Variants in PPP1R14C observed in about 807,000 individuals in gnomAD.
PPP1R14C encodes protein phosphatase 1 regulatory subunit 14C.
Under a neutral mutation model 20.4 loss-of-function variants are expected in PPP1R14C, and 16 were observed. The ratio of observed to expected loss-of-function variants is 0.78; its 90% CI spans 0.53 to 1.19. The LOEUF (loss-of-function observed/expected upper bound fraction) is 1.19, where lower values mean the gene tolerates loss of function less well. PPP1R14C is among the 50% of genes most tolerant of loss of function. The pLI, the probability that PPP1R14C is intolerant of heterozygous loss-of-function variation, is 0.00. For synonymous variants in PPP1R14C, 91 were observed against 91.0 expected, an observed-to-expected ratio of 1.00 and a Z score of 0.00; for missense variants, 211 against 220.1, an observed-to-expected ratio of 0.96 and a Z score of 0.26.
chr6:150,194,668 A>G, intron 1 of PPP1R14C: 1 of 985,434 alleles, frequency 1.0e-6, no homozygotes, highest in East Asian at 1.1e-4. Flanking sequence ...CCTTTAGCAC[A>G]AACAGTTCTG....
chr6:150,174,417 C>CAT (rs10667180), intron 1 of PPP1R14C, among the ~76,000 whole-genome samples: 14,621 of 151,562 alleles, frequency 0.096, 942 homozygotes, highest in East Asian at 0.36. Context: ...GGGGTTTCAC[C>CAT]GTGTTAGCCA....
chr6:150,210,603 A>G (rs1049684343), intron 1 of PPP1R14C, among the ~76,000 whole-genome samples: 1 of 152,172 alleles, frequency 6.6e-6, no homozygotes, highest in Non-Finnish European at 1.5e-5. Flanking sequence ...GACAAGGGGA[A>G]CCGGCAGCCT....
At chr6:150,218,239 TA>T (rs1002314973) in intron 3 of PPP1R14C, among the ~76,000 whole-genome samples, 7 of 151,976 alleles carry the variant, frequency 4.6e-5, no homozygotes, top group African/African-American at 1.7e-4. Context: ...CCGTCTCTAC[TA>T]AAAATACAAA....
chr6:150,249,525 A>G lies in PPP1R14C; in HGVS notation c.*705A>G, dbSNP rs997048744. The G allele has an allele frequency of 2.8e-5, 11 of 398,644 alleles. No homozygotes were observed. The highest frequency in any genetic ancestry group is 4.4e-5 in the Non-Finnish European group (10 of 226,072). The allele number at this position is 398,644 out of a possible 1,614,324, so 24.7% of individuals were successfully genotyped here. ...AATTTCTATTATTTCATTGGTTGGG[A>G]TGCTTTGCCAGGTCATGTGCTTATT... On this transcript the variant is annotated 3_prime_UTR_variant, in exon 4 of 4. Transcript: ENST00000361131.
At chr6:150,248,716 C>T (rs755601232) in intron 3 of PPP1R14C, 30 bp from the exon 4 acceptor site, 1 of 1,436,928 alleles carries the variant, frequency 7.0e-7, no homozygotes. Flanking sequence ...AATAGTGACC[C>T]TCATATTAAC....
intron 3 of PPP1R14C, among the ~76,000 whole-genome samples, chr6:150,231,115 C>T (rs538937490): frequency 3.9e-5 from 6 of 152,292 alleles, no homozygotes; most frequent in Admixed American, 2.0e-4. Flanking sequence ...TGTGATACCA[C>T]GCCCCTGTGA....
At chr6:150,192,519 C>T (rs899474689) in intron 1 of PPP1R14C, among the ~76,000 whole-genome samples, 8 of 152,174 alleles carry the variant, frequency 5.3e-5, no homozygotes, top group Admixed American at 1.3e-4. Flanking sequence ...CCATGTTCAC[C>T]TCCTACTGTG....
Position 150,208,096 on chromosome 6 carries a change from T to G in PPP1R14C, c.307-6648T>G, listed in dbSNP as rs117353764. 7.9e-4 allele frequency among the ~76,000 whole-genome samples: 120 copies of G among 152,220 alleles called. 1 individual carries two copies. The East Asian group carries it at 0.021, about 27-fold the overall frequency. On this transcript the variant is annotated intron_variant, in intron 1 of 3. Transcript: ENST00000361131. Reference sequence around the variant, plus strand: ...AACAGTGTTAATGCACGCATGAGGGTGTGCCCCCATGACCTAATCACCTCT... The same window carrying G: ...AACAGTGTTAATGCACGCATGAGGGGGTGCCCCCATGACCTAATCACCTCT...
At chr6:150,168,385 T>C (rs1167128355) in intron 1 of PPP1R14C, among the ~76,000 whole-genome samples, 6 of 151,778 alleles carry the variant, frequency 4.0e-5, no homozygotes, top group Admixed American at 1.3e-4. Flanking sequence ...AAATACAGAT[T>C]ACCTGGGCGT....
intron 1 of PPP1R14C, among the ~76,000 whole-genome samples, chr6:150,149,942 A>G (rs1777226278): frequency 6.6e-6 from 1 of 152,102 alleles, no homozygotes; most frequent in African/African-American, 2.4e-5. Flanking sequence ...GTTTTGGTGG[A>G]TTTTTACATA....
At chr6:150,214,638 T>C in intron 1 of PPP1R14C, 106 bp from the exon 2 acceptor site, 1 of 757,194 alleles carries the variant, frequency 1.3e-6, no homozygotes, top group Non-Finnish European at 2.3e-6. Context: ...CTGTCAGCCC[T>C]TCTCAATTGA....
chr6:150,236,846 C>T (rs1251329133), intron 3 of PPP1R14C, among the ~76,000 whole-genome samples: 3 of 151,984 alleles, frequency 2.0e-5, no homozygotes, highest in African/African-American at 7.3e-5. Flanking sequence ...AGGAGCGGTC[C>T]CAGGCAGGAA....
chr6:150,154,236 A>G (rs780738937), intron 1 of PPP1R14C, among the ~76,000 whole-genome samples: 42 of 152,228 alleles, frequency 2.8e-4, no homozygotes, highest in Non-Finnish European at 5.3e-4. Flanking sequence ...AAGTAAGAGA[A>G]AGTAATCTCT....
intron 1 of PPP1R14C, among the ~76,000 whole-genome samples, chr6:150,183,259 T>C (rs1777641871): frequency 6.6e-6 from 1 of 152,192 alleles, no homozygotes; most frequent in Non-Finnish European, 1.5e-5. Flanking sequence ...TAAAGTTTAC[T>C]TGAATTTTCT....
At position 150,164,840 on chromosome 6, in the gene PPP1R14C, T is replaced by C. The variant is rs56108356; in HGVS notation, c.306+21342T>C. Among the ~76,000 whole-genome samples, 748 of 152,306 alleles carry C rather than the reference T, an allele frequency of 4.9e-3. 4 individuals are homozygous for C. Among genetic ancestry groups the C allele is most frequent in the African/African-American group, 0.017 (692 of 41,572 alleles). ...AATCCTAAGCCCCAGTATTATACTA[T>C]TGGGAGAGGGGCCTTTCGGAGGTGA... On this transcript the variant is annotated intron_variant, in intron 1 of 3. Coordinates refer to ENST00000361131, the MANE Select transcript of PPP1R14C (RefSeq NM_030949.3).
At chr6:150,220,632 A>T (rs935152154) in intron 3 of PPP1R14C, among the ~76,000 whole-genome samples, 1 of 152,214 alleles carries the variant, frequency 6.6e-6, no homozygotes, top group Non-Finnish European at 1.5e-5. Context: ...CTTTTTCTTC[A>T]GTTCTCCACC....
intron 3 of PPP1R14C, among the ~76,000 whole-genome samples, chr6:150,220,161 G>C (rs1045942249): frequency 6.6e-6 from 1 of 152,210 alleles, no homozygotes; most frequent in Non-Finnish European, 1.5e-5. Context: ...GGCCAAGACT[G>C]TTTGGCTATT....
chr6:150,202,797 C>T (rs2114898989), intron 1 of PPP1R14C, among the ~76,000 whole-genome samples: 1 of 152,364 alleles, frequency 6.6e-6, no homozygotes, highest in East Asian at 1.9e-4. Flanking sequence ...CCTCACCTTC[C>T]TGGGTTCAGC....
At chr6:150,191,787 A>C (rs1422004224) in intron 1 of PPP1R14C, among the ~76,000 whole-genome samples, 1 of 152,218 alleles carries the variant, frequency 6.6e-6, no homozygotes, top group Non-Finnish European at 1.5e-5. Context: ...TTGAGTACTT[A>C]TGCACATTGA....
Sources: allele counts gnomAD v4.1 joint callset (sites outside exome capture counted in the v4.1 genomes callset), GRCh38; gene constraint gnomAD v4.1.1; transcripts MANE v1.5; gene names NCBI Gene and HGNC (gene_info 2026-07-23, HGNC 2026-07-21).